The following TMEM201 variants were observed in gnomAD, a reference collection of about 807,000 sequenced individuals.
The protein encoded by TMEM201 is transmembrane protein 201.
TMEM201 carries 26 observed loss-of-function variants against 63.4 expected under a neutral mutation model. The ratio of observed to expected loss-of-function variants is 0.41; its 90% confidence interval spans 0.30 to 0.57. The LOEUF (loss-of-function observed/expected upper bound fraction) is 0.57, where lower values mean the gene tolerates loss of function less well. Among genes scored for constraint, TMEM201 ranks in the 20% least tolerant of loss-of-function variants. The probability of loss-of-function intolerance (pLI) is 0.29; values close to 1 mark genes in which losing one functional copy is unlikely to be tolerated. For missense variants in TMEM201, 794 were observed against 917.7 expected (o/e 0.87, Z 1.74); for synonymous variants, 417 against 421.6 (o/e 0.99, Z 0.14).
intron 1 of TMEM201, among the ~76,000 whole-genome samples, chr1:9,591,684 G>C (rs76481499): frequency 0.028 from 4,305 of 152,374 alleles, 91 homozygotes; most frequent in Middle Eastern, 0.068. Flanking sequence ...TGGGGACAAA[G>C]AGGATGCAGC....
intron 1 of TMEM201, among the ~76,000 whole-genome samples, chr1:9,590,258 C>T (rs963828075): frequency 2.0e-5 from 3 of 152,064 alleles, no homozygotes; most frequent in African/African-American, 4.8e-5. Flanking sequence ...TTGTCCAAGC[C>T]GGTGGTTTTA....
Position 9,612,970 on chromosome 1 carries a change from G to C in TMEM201, c.1904-16G>C. Reference sequence around the variant, plus strand: ...ACCCACCCAAACAATGTTCTGACCAGGTCTCTGCTTTGCAGGTCGTTTCGG... The same window carrying C: ...ACCCACCCAAACAATGTTCTGACCACGTCTCTGCTTTGCAGGTCGTTTCGG... On this transcript the variant is annotated splice_polypyrimidine_tract_variant and intron_variant, in intron 10 of 10. Coordinates refer to ENST00000340381, the MANE Select transcript of TMEM201 (RefSeq NM_001130924.3). 6.4e-7 allele frequency: 1 copy of C among 1,551,306 alleles called. No homozygotes were observed. The highest frequency in any genetic ancestry group is 8.7e-7 in the Non-Finnish European group (1 of 1,146,766).
rs140342490 is a variant in TMEM201, at chr1:9,593,086, A to G, written c.114-2804A>G. On this transcript the variant is annotated intron_variant, in intron 1 of 10. Transcript: ENST00000340381. Reference sequence around the variant, plus strand: ...AGAGAAGTGGGCTGAGGGGTTTATCAGGGAAACTTGGGGGCTTCTCCCAGA... The same window carrying G: ...AGAGAAGTGGGCTGAGGGGTTTATCGGGGAAACTTGGGGGCTTCTCCCAGA... Among the ~76,000 whole-genome samples the G allele has an allele frequency of 8.7e-3, 1,328 of 152,340 alleles. 20 individuals carry two copies. The highest frequency in any genetic ancestry group is 0.03 in the African/African-American group (1,241 of 41,570).
intron 1 of TMEM201, among the ~76,000 whole-genome samples, chr1:9,591,777 C>G (rs1378068521): frequency 1.3e-5 from 2 of 152,178 alleles, no homozygotes; most frequent in Non-Finnish European, 2.9e-5. Flanking sequence ...GCTCCCCCCT[C>G]CCACTCACTC....
At position 9,596,024 on chromosome 1, in the gene TMEM201, G is replaced by T; in HGVS notation, c.234+14G>T. ...GGCTTCCAGGAGGTGTGGGTCACAGGCAGGCGGACGGGTGGGCACGCGGGG... is the reference window on the plus strand; with the variant it reads ...GGCTTCCAGGAGGTGTGGGTCACAGTCAGGCGGACGGGTGGGCACGCGGGG... On this transcript the variant is annotated intron_variant, in intron 2 of 10. Transcript: ENST00000340381. The T allele has an allele frequency of 6.2e-7, 1 of 1,610,758 alleles. No homozygotes were observed. The highest frequency in any genetic ancestry group is 8.5e-7 in the Non-Finnish European group (1 of 1,179,824).
At chr1:9,593,094 T>C (rs1643948435) in intron 1 of TMEM201, among the ~76,000 whole-genome samples, 1 of 152,210 alleles carries the variant, frequency 6.6e-6, no homozygotes, top group Non-Finnish European at 1.5e-5. Flanking sequence ...TCAGGGAAAC[T>C]TGGGGGCTTC....
At chr1:9,592,343 C>T (rs1012265886) in intron 1 of TMEM201, among the ~76,000 whole-genome samples, 6 of 152,220 alleles carry the variant, frequency 3.9e-5, no homozygotes, top group Non-Finnish European at 4.4e-5. Flanking sequence ...TCTTTCCAAC[C>T]CCGCACTGGG....
intron 1 of TMEM201, among the ~76,000 whole-genome samples, chr1:9,591,550 C>T (rs1643919494): frequency 6.6e-6 from 1 of 152,244 alleles, no homozygotes; most frequent in Non-Finnish European, 1.5e-5. Context: ...GCTCGGGTGC[C>T]TGTCCTCAGC....
chr1:9,590,670 G>A (rs1044939569), intron 1 of TMEM201, among the ~76,000 whole-genome samples: 3 of 152,164 alleles, frequency 2.0e-5, no homozygotes, highest in Non-Finnish European at 2.9e-5. Flanking sequence ...CGCCCCTGAC[G>A]ACACCAGCAG....
chr1:9,612,814 G>T (rs1410425029), intron 10 of TMEM201, among the ~76,000 whole-genome samples, 172 bp from the exon 11 acceptor site: 1 of 152,196 alleles, frequency 6.6e-6, no homozygotes, highest in Non-Finnish European at 1.5e-5. Flanking sequence ...GGTCTTTCCT[G>T]CTAGGGAAGC....
intron 1 of TMEM201, among the ~76,000 whole-genome samples, chr1:9,591,383 TG>T (rs746912513): frequency 8.7e-4 from 132 of 152,252 alleles, no homozygotes; most frequent in Non-Finnish European, 1.3e-3. Context: ...CTTCAACCTC[TG>T]GGTGCTCATG....
chr1:9,610,018 T>C lies in TMEM201; in HGVS notation c.1465+107T>C. ...TGGGGTCAGACAGACCCCAAGTGTG[T>C]GTTCACATCTCAGCCCTGGGCAAGT... On this transcript the variant is annotated intron_variant, in intron 8 of 10. Transcript: ENST00000340381. The surrounding 1 kb of genome is among the most constrained non-coding windows in gnomAD (Gnocchi z 4.9). 1.9e-6 allele frequency: 2 copies of C among 1,064,482 alleles called. No homozygotes were observed. The highest frequency in any genetic ancestry group is 2.8e-6 in the Non-Finnish European group (2 of 709,700). 65.9% of individuals were successfully genotyped at this position (1,064,482 alleles called of 1,614,324 possible).
intron 1 of TMEM201, among the ~76,000 whole-genome samples, chr1:9,592,238 C>T (rs1421059260): frequency 2.0e-5 from 3 of 152,214 alleles, no homozygotes; most frequent in Non-Finnish European, 4.4e-5. Context: ...GAATGAAACA[C>T]GGTGTTGCCC....
At chr1:9,599,287 G>A (rs528617288) in intron 4 of TMEM201, among the ~76,000 whole-genome samples, 1 of 149,144 alleles carries the variant, frequency 6.7e-6, no homozygotes, top group East Asian at 2.0e-4. Flanking sequence ...TCACACTGTC[G>A]CCCAGGCTGG....
intron 5 of TMEM201, 65 bp downstream of exon 5, chr1:9,601,519 G>C: frequency 4.1e-6 from 6 of 1,465,890 alleles, no homozygotes; most frequent in Non-Finnish European, 5.5e-6. Context: ...ACTGTCTAGG[G>C]CGGGGGCCAA....
Position 9,607,278 on chromosome 1 carries a change from A to G in TMEM201, c.1161-279A>G, listed in dbSNP as rs1644258489. ...TGGCAAAGGCGACAGTGTCACTTTAATACCGAGACTCGTAGTGGAGATAGT... is the reference window on the plus strand; with the variant it reads ...TGGCAAAGGCGACAGTGTCACTTTAGTACCGAGACTCGTAGTGGAGATAGT... On this transcript the variant is annotated intron_variant, in intron 6 of 10. Coordinates refer to ENST00000340381, the MANE Select transcript of TMEM201 (RefSeq NM_001130924.3). The surrounding 1 kb of genome is among the most constrained non-coding windows in gnomAD (Gnocchi z 5.4). Among the ~76,000 whole-genome samples the G allele has an allele frequency of 6.6e-6, 1 of 152,024 alleles. No homozygotes were observed. Among genetic ancestry groups the G allele is most frequent in the African/African-American group, 2.4e-5 (1 of 41,396 alleles).
chr1:9,598,247 A>G (rs1405444712), intron 3 of TMEM201, among the ~76,000 whole-genome samples: 1 of 152,154 alleles, frequency 6.6e-6, no homozygotes, highest in Non-Finnish European at 1.5e-5. Flanking sequence ...GATTGGCTCT[A>G]ACTCCCGGTA....
intron 4 of TMEM201, among the ~76,000 whole-genome samples, chr1:9,600,432 G>A (rs1433756952): frequency 2.0e-5 from 3 of 152,122 alleles, no homozygotes; most frequent in Admixed American, 6.5e-5. Context: ...CTAGGAGGAC[G>A]AATGCAAGTG....
Position 9,596,085 on chromosome 1 carries a change from T to G in TMEM201, c.234+75T>G, listed in dbSNP as rs1325563845. On this transcript the variant is annotated intron_variant, in intron 2 of 10. Coordinates refer to ENST00000340381, the MANE Select transcript of TMEM201 (RefSeq NM_001130924.3). ...TGAGATTTGCACCTTGAGACCACCCTGTGTCCCTGCCCTGCCCCGGGGCTC... is the reference window on the plus strand; with the variant it reads ...TGAGATTTGCACCTTGAGACCACCCGGTGTCCCTGCCCTGCCCCGGGGCTC... 8 of 1,559,190 alleles carry G rather than the reference T, an allele frequency of 5.1e-6. No homozygotes were observed. In the East Asian group the frequency reaches 1.4e-4, roughly 27 times the overall value.
Sources: gnomAD v4.1 joint callset for allele counts (sites outside exome capture counted in the v4.1 genomes callset) on GRCh38, gnomAD v4.1.1 for gene constraint, Gnocchi (gnomAD v3.1) non-coding constraint, MANE v1.5 for transcripts, NCBI Gene and HGNC (gene_info 2026-07-23, HGNC 2026-07-21) for gene names.